Variants in CYTH3 observed in about 807,000 individuals in gnomAD.
The protein encoded by CYTH3 is cytohesin 3, also known as cytohesin-3.
Under a neutral mutation model 55.1 loss-of-function variants are expected in CYTH3, and 23 were observed. The ratio of observed to expected loss-of-function variants is 0.42; its 90% CI spans 0.30 to 0.59. The LOEUF (loss-of-function observed/expected upper bound fraction) is 0.59, where lower values mean the gene tolerates loss of function less well. Among genes scored for constraint, CYTH3 ranks in the 20% least tolerant of loss-of-function variants. The probability of loss-of-function intolerance (pLI) is 0.20; values close to 1 mark genes in which losing one functional copy is unlikely to be tolerated. For missense variants in CYTH3, 413 were observed against 524.8 expected (o/e 0.79, Z 2.08); for synonymous variants, 249 against 194.9 (o/e 1.28, Z -2.31).
intron 1 of CYTH3, among the ~76,000 whole-genome samples, chr7:6,239,463 C>T (rs1779616242): frequency 6.6e-6 from 1 of 152,192 alleles, no homozygotes; most frequent in African/African-American, 2.4e-5. Flanking sequence ...AAGCTCCAAA[C>T]CTACATCTCC....
chr7:6,246,746 A>C (rs112657274), intron 1 of CYTH3, among the ~76,000 whole-genome samples: 123 of 140,148 alleles, frequency 8.8e-4, no homozygotes, highest in African/African-American at 3.1e-3. Context: ...ATTGTTACTG[A>C]ATAACTGGGA....
chr7:6,223,447 G>T (rs1300927595), intron 1 of CYTH3, among the ~76,000 whole-genome samples: 5 of 152,210 alleles, frequency 3.3e-5, no homozygotes, highest in Admixed American at 3.3e-4. Context: ...TGTCTGTGTA[G>T]AAAGAAGTTG....
At chr7:6,214,937 T>C (rs561618733) in intron 1 of CYTH3, among the ~76,000 whole-genome samples, 31 of 152,222 alleles carry the variant, frequency 2.0e-4, no homozygotes, top group African/African-American at 6.5e-4. Flanking sequence ...TTGATTTTGA[T>C]TGGCTTGAAA....
chr7:6,266,287 C>G (rs543374826), intron 1 of CYTH3, among the ~76,000 whole-genome samples: 1 of 152,154 alleles, frequency 6.6e-6, no homozygotes, highest in Admixed American at 6.5e-5. Flanking sequence ...AGCTCCATCA[C>G]CTGCTAGCTG....
Position 6,165,025 on chromosome 7 carries a change from A to C in CYTH3, c.1128-9T>G. On this transcript the variant is annotated splice_polypyrimidine_tract_variant and intron_variant, in intron 12 of 12. Coordinates refer to ENST00000350796, the MANE Select transcript of CYTH3 (RefSeq NM_004227.4). The stretch of plus-strand genomic sequence containing the variant: ...CTCTGCTGATACTGGCTCTGGTGAA[A>C]AAAGGAAAACACACAGGTTAGGTCG... 6.2e-7 allele frequency: 1 copy of C among 1,614,148 alleles called. No individual in the cohort carries two copies. The highest frequency in any genetic ancestry group is 8.5e-7 in the Non-Finnish European group (1 of 1,180,028).
At chr7:6,190,648 G>C (rs1254955308) in intron 1 of CYTH3, 117 bp from the exon 2 acceptor site, 2 of 759,954 alleles carry the variant, frequency 2.6e-6, no homozygotes, top group African/African-American at 1.8e-5. Context: ...TTATCCTAAA[G>C]AAATGCTCCC....
Position 6,163,098 on chromosome 7 carries a change from A to G in CYTH3, c.*1846T>C, listed in dbSNP as rs892153210. On this transcript the variant is annotated 3_prime_UTR_variant, in exon 13 of 13. Transcript: ENST00000350796. ...ATTTGAGGTATCAGTAACAAAGCCT[A>G]AGAACGTGGGAATGAAAGTCTGATG... The G allele has an allele frequency of 2.0e-5, 3 of 152,666 alleles. No homozygotes were observed. The highest frequency in any genetic ancestry group is 7.2e-5 in the African/African-American group (3 of 41,458). 9.5% of individuals were successfully genotyped at this position (152,666 alleles called of 1,614,324 possible).
intron 1 of CYTH3, among the ~76,000 whole-genome samples, chr7:6,209,969 G>C (rs758721440): frequency 3.9e-4 from 59 of 152,188 alleles, no homozygotes; most frequent in Non-Finnish European, 8.1e-4. Flanking sequence ...CACGGACAGG[G>C]ATGAATAGCT....
intron 1 of CYTH3, among the ~76,000 whole-genome samples, chr7:6,218,025 A>G (rs546325450): frequency 1.1e-3 from 172 of 152,204 alleles, no homozygotes; most frequent in African/African-American, 4.0e-3. Flanking sequence ...TCTATGAAAA[A>G]TACAAAAATT....
intron 4 of CYTH3, among the ~76,000 whole-genome samples, chr7:6,180,366 G>A (rs1000114928): frequency 6.6e-6 from 1 of 152,230 alleles, no homozygotes; most frequent in Non-Finnish European, 1.5e-5. Flanking sequence ...AAGCAGAGGA[G>A]GAGGACACAG....
rs779889149 is a variant in CYTH3 at position 6,190,556 on chromosome 7, C to T, written c.35-25G>A. The T allele has an allele frequency of 1.4e-5, 20 of 1,470,440 alleles. No individual in the cohort carries two copies. In the Admixed American group the frequency reaches 5.4e-4, roughly 40 times the overall value. The allele number at this position is 1,470,440 out of a possible 1,614,324, so 91.1% of individuals were successfully genotyped here. On this transcript the variant is annotated intron_variant, in intron 1 of 12. Transcript: ENST00000350796. ...ACTGAAAGAAGAAAAAAATAATTAA[C>T]TACTTTGGAGAACACATTGGCAACA... is the stretch of plus-strand genomic sequence containing the variant.
At chr7:6,215,746 T>C (rs1784412139) in intron 1 of CYTH3, among the ~76,000 whole-genome samples, 1 of 152,178 alleles carries the variant, frequency 6.6e-6, no homozygotes, top group Non-Finnish European at 1.5e-5. Context: ...CAGAGACCTA[T>C]GCCAAGACAC....
intron 1 of CYTH3, among the ~76,000 whole-genome samples, chr7:6,226,011 A>C (rs1279075945): frequency 6.6e-6 from 1 of 152,196 alleles, no homozygotes; most frequent in Non-Finnish European, 1.5e-5. Flanking sequence ...AACAAACAAA[A>C]AAATTTTTGT....
rs759927887 is a variant in CYTH3 at position 6,171,343 on chromosome 7, C to T, written c.450-29G>A. 9.3e-6 allele frequency: 15 copies of T among 1,608,562 alleles called. No individual in the cohort carries two copies. Among genetic ancestry groups the T allele is most frequent in the African/African-American group, 5.3e-5 (4 of 74,814 alleles). ...TGGAGACACCAAAGCCATGGGAAGCCGCATCAGAACCAACACCGCCTCACG... is the reference window on the plus strand; with the variant it reads ...TGGAGACACCAAAGCCATGGGAAGCTGCATCAGAACCAACACCGCCTCACG... On this transcript the variant is annotated intron_variant, in intron 6 of 12. Coordinates refer to ENST00000350796, the MANE Select transcript of CYTH3 (RefSeq NM_004227.4). The surrounding 1 kb of genome is among the most constrained non-coding windows in gnomAD (Gnocchi z 6.7).
chr7:6,177,110 A>C (rs932272941), intron 5 of CYTH3, among the ~76,000 whole-genome samples: 6 of 152,216 alleles, frequency 3.9e-5, no homozygotes, highest in African/African-American at 1.4e-4. Context: ...TTACAGTCAT[A>C]AGGATAGGGT....
At chr7:6,188,727 T>C (rs1783722135) in intron 2 of CYTH3, 1 of 152,208 alleles carries the variant, frequency 6.6e-6, no homozygotes, top group South Asian at 2.1e-4. Context: ...CCAACTTCCC[T>C]GGGCCTCAGT....
chr7:6,260,117 C>T (rs1422644966), intron 1 of CYTH3, among the ~76,000 whole-genome samples: 1 of 151,590 alleles, frequency 6.6e-6, no homozygotes, highest in Non-Finnish European at 1.5e-5. Context: ...GCGTGTGCCA[C>T]CGCGCCCAGC....
intron 1 of CYTH3, among the ~76,000 whole-genome samples, chr7:6,228,000 G>C (rs1011917669): frequency 2.0e-5 from 3 of 152,134 alleles, no homozygotes; most frequent in Admixed American, 1.3e-4. Flanking sequence ...ATAATTGCTA[G>C]GGTTCACTCT....
chr7:6,208,622 C>T (rs1180581794), intron 1 of CYTH3, among the ~76,000 whole-genome samples: 1 of 152,230 alleles, frequency 6.6e-6, no homozygotes, highest in Non-Finnish European at 1.5e-5. Context: ...TAGTTCACCA[C>T]AGCCTCCAAC....
Sources: gnomAD v4.1 joint callset for allele counts (sites outside exome capture counted in the v4.1 genomes callset) on GRCh38, gnomAD v4.1.1 for gene constraint, Gnocchi (gnomAD v3.1) non-coding constraint, MANE v1.5 for transcripts, NCBI Gene and HGNC (gene_info 2026-07-23, HGNC 2026-07-21) for gene names.